Variants in PCCA observed in about 807,000 individuals in gnomAD.
The protein encoded by PCCA is propionyl-CoA carboxylase subunit alpha, also known as propionyl-CoA carboxylase alpha chain, mitochondrial.
PCCA carries 74 observed loss-of-function variants against 101.3 expected under a neutral mutation model. That is an observed-to-expected ratio of 0.73 (90% confidence interval 0.61 to 0.89). The LOEUF (loss-of-function observed/expected upper bound fraction) is 0.89. Among genes scored for constraint, PCCA ranks in the 40% least tolerant of loss-of-function variants. The pLI, the probability that PCCA is intolerant of heterozygous loss-of-function variation, is 0.00. For missense variants in PCCA, 891 were observed against 907.0 expected, an observed-to-expected ratio of 0.98 and a Z score of 0.23; for synonymous variants, 294 against 313.6, an observed-to-expected ratio of 0.94 and a Z score of 0.66.
At chr13:100,447,359 G>A (rs2080909442) in intron 20 of PCCA, among the ~76,000 whole-genome samples, 1 of 151,714 alleles carries the variant, frequency 6.6e-6, no homozygotes, top group South Asian at 2.1e-4. Context: ...ACTCCAGCCT[G>A]GGTAACAGAG....
chr13:100,289,441 C>T (rs1051182966), intron 12 of PCCA, among the ~76,000 whole-genome samples: 5 of 152,044 alleles, frequency 3.3e-5, no homozygotes, highest in African/African-American at 4.8e-5. Context: ...AAGCTGCTGG[C>T]GCCTAGCCTG....
intron 4 of PCCA, chr13:100,150,535 A>G: frequency 2.3e-6 from 3 of 1,324,496 alleles, no homozygotes; most frequent in Non-Finnish European, 3.2e-6. Flanking sequence ...CTCCCCGGCG[A>G]GAACCACCAA....
Position 100,286,961 on chromosome 13 carries a change from A to G in PCCA, c.1065+13615A>G, listed in dbSNP as rs370248701. Among the ~76,000 whole-genome samples the G allele has an allele frequency of 9.9e-4, 151 of 152,210 alleles. 4 individuals carry two copies. In the South Asian group the frequency reaches 0.028, roughly 29 times the overall value. Reference sequence around the variant, plus strand: ...GACATACTTAGGCTTTCTGTGCTCTATGAGCAATCAAACTGTTTTCTTTCA... The same window carrying G: ...GACATACTTAGGCTTTCTGTGCTCTGTGAGCAATCAAACTGTTTTCTTTCA... On this transcript the variant is annotated intron_variant, in intron 12 of 23. Coordinates refer to ENST00000376285, the MANE Select transcript of PCCA (RefSeq NM_000282.4).
At chr13:100,402,261 T>G (rs1039812288) in intron 19 of PCCA, among the ~76,000 whole-genome samples, 1 of 148,482 alleles carries the variant, frequency 6.7e-6, no homozygotes, top group African/African-American at 2.5e-5. Context: ...TTGTTTTTTG[T>G]TTTTTTTTTA....
chr13:100,245,752 T>C (rs1395054473), intron 8 of PCCA, among the ~76,000 whole-genome samples: 4 of 152,246 alleles, frequency 2.6e-5, no homozygotes, highest in Non-Finnish European at 4.4e-5. Context: ...ATTTATCTAC[T>C]TCTCTGCATT....
At chr13:100,151,181 C>T (rs2053267003) in intron 4 of PCCA, 1 of 748,998 alleles carries the variant, frequency 1.3e-6, no homozygotes, top group East Asian at 2.7e-5. Context: ...TGATTTTTCT[C>T]AGTCCTGTAA....
intron 4 of PCCA, among the ~76,000 whole-genome samples, chr13:100,142,191 AATTT>A (rs749801201): frequency 3.3e-5 from 5 of 151,614 alleles, no homozygotes; most frequent in East Asian, 1.9e-4. Context: ...TTTTTATTTG[AATTT>A]ATTTATTTAC....
At chr13:100,157,477 A>G (rs1594429555) in intron 6 of PCCA, 137 bp downstream of exon 6, 1 of 679,118 alleles carries the variant, frequency 1.5e-6, no homozygotes, top group East Asian at 2.7e-5. Flanking sequence ...GTGACAAGTG[A>G]AGTGGTTTTA....
chr13:100,176,777 A>G (rs1310322951), intron 6 of PCCA, among the ~76,000 whole-genome samples: 3 of 152,202 alleles, frequency 2.0e-5, no homozygotes, highest in Non-Finnish European at 4.4e-5. Flanking sequence ...TTTTTTAATT[A>G]GGTAGAGTTT....
intron 17 of PCCA, among the ~76,000 whole-genome samples, chr13:100,331,801 A>G (rs548567087): frequency 4.0e-5 from 6 of 151,878 alleles, no homozygotes; most frequent in South Asian, 4.2e-4. Context: ...TGGTTTAATG[A>G]GGCTAAGAAC....
At chr13:100,198,698 C>T (rs769966631) in intron 6 of PCCA, among the ~76,000 whole-genome samples, 24 of 151,896 alleles carry the variant, frequency 1.6e-4, no homozygotes, top group Non-Finnish European at 2.8e-4. Flanking sequence ...GGGGTTTCAC[C>T]ATGTTGACCA....
chr13:100,195,285 TA>T (rs1483900979), intron 6 of PCCA, among the ~76,000 whole-genome samples: 1 of 152,140 alleles, frequency 6.6e-6, no homozygotes, highest in Non-Finnish European at 1.5e-5. Context: ...AAGATACATC[TA>T]AAAGAAAAAC....
intron 22 of PCCA, among the ~76,000 whole-genome samples, chr13:100,520,729 A>G (rs1329387497): frequency 2.0e-5 from 3 of 152,060 alleles, no homozygotes; most frequent in East Asian, 1.9e-4. Context: ...TGAGGAGGTA[A>G]AAAAATATCT....
intron 20 of PCCA, among the ~76,000 whole-genome samples, chr13:100,446,195 G>T (rs556551122): frequency 6.6e-6 from 1 of 151,980 alleles, no homozygotes; most frequent in Non-Finnish European, 1.5e-5. Context: ...CTGCCACCAC[G>T]CCCGGCTACT....
chr13:100,135,349 A>T (rs868636917), intron 4 of PCCA, among the ~76,000 whole-genome samples: 25 of 152,208 alleles, frequency 1.6e-4, no homozygotes, highest in South Asian at 4.2e-4. Flanking sequence ...TATGATCACA[A>T]CACTTACATT....
intron 6 of PCCA, chr13:100,198,530 G>C (rs554342048): frequency 2.6e-5 from 4 of 151,312 alleles, no homozygotes; most frequent in Non-Finnish European, 5.9e-5. Context: ...GACGAGTTTC[G>C]CTCTTGTTGC....
chr13:100,370,261 T>TTTTAGTAGAGATGGGG (rs1016929500), intron 19 of PCCA, among the ~76,000 whole-genome samples: 4 of 151,624 alleles, frequency 2.6e-5, no homozygotes, highest in African/African-American at 9.7e-5. Context: ...ATTTTTGTAT[T>TTTTAGTAGAGATGGGG]TTTAGTAGAG....
intron 18 of PCCA, among the ~76,000 whole-genome samples, chr13:100,344,942 CATTGTA>C (rs1667461685): frequency 6.6e-6 from 1 of 152,080 alleles, no homozygotes; most frequent in South Asian, 2.1e-4. Context: ...TTGATGTTCC[CATTGTA>C]ATTGTTTTGG....
At chr13:100,360,299 T>G (rs954341882) in intron 18 of PCCA, among the ~76,000 whole-genome samples, 2 of 152,020 alleles carry the variant, frequency 1.3e-5, no homozygotes, top group African/African-American at 4.8e-5. Flanking sequence ...ACGTGGGAAT[T>G]CAAGATGAGA....
Sources: allele counts gnomAD v4.1 joint callset (sites outside exome capture counted in the v4.1 genomes callset), GRCh38; gene constraint gnomAD v4.1.1; transcripts MANE v1.5; gene names NCBI Gene and HGNC (gene_info 2026-07-23, HGNC 2026-07-21).